The following ITSN2 variants were observed in gnomAD, a reference collection of about 807,000 sequenced individuals.
ITSN2 encodes intersectin 2.
ITSN2 carries 156 observed loss-of-function variants against 243.7 expected under a neutral mutation model. The ratio of observed to expected loss-of-function variants is 0.64; its 90% CI spans 0.56 to 0.73. ITSN2 has a LOEUF of 0.73. Ranked by LOEUF, ITSN2 falls within the 30% of genes least tolerant of loss-of-function variation. ITSN2 has a pLI of 0.00. For synonymous variants in ITSN2, 703 were observed against 699.9 expected (o/e 1.00, Z -0.07); for missense variants, 1,801 against 1,996.1 (o/e 0.90, Z 1.86).
chr2:24,246,672 C>T, intron 28 of ITSN2, 125 bp downstream of exon 28: 1 of 641,478 alleles, frequency 1.6e-6, no homozygotes, highest in Non-Finnish European at 2.7e-6. Flanking sequence ...GTGGCATGTC[C>T]CTTTTAAGCA....
intron 17 of ITSN2, among the ~76,000 whole-genome samples, chr2:24,279,283 T>C (rs1034066284): frequency 2.6e-5 from 4 of 152,174 alleles, no homozygotes; most frequent in African/African-American, 7.2e-5. Flanking sequence ...ACCTAACTCC[T>C]TGAAGGAAAC....
chr2:24,286,492 A>G (rs1679528194), intron 15 of ITSN2, 141 bp from the exon 16 acceptor site: 2 of 597,822 alleles, frequency 3.3e-6, no homozygotes, highest in Non-Finnish European at 5.8e-6. Flanking sequence ...ACAAGAGAAA[A>G]CATTCAGTTG....
At chr2:24,234,322 G>C (rs1195688844) in intron 29 of ITSN2, among the ~76,000 whole-genome samples, 1 of 149,390 alleles carries the variant, frequency 6.7e-6, no homozygotes, top group African/African-American at 2.4e-5. Flanking sequence ...TATAGACACA[G>C]GTCTCTACTG....
chr2:24,303,276 C>T (rs895720745), intron 9 of ITSN2, among the ~76,000 whole-genome samples: 5 of 152,106 alleles, frequency 3.3e-5, no homozygotes, highest in East Asian at 1.9e-4. Flanking sequence ...GTTATTGCCC[C>T]GAACACCTTC....
chr2:24,323,052 A>G (rs1196319996), intron 2 of ITSN2, among the ~76,000 whole-genome samples: 1 of 152,156 alleles, frequency 6.6e-6, no homozygotes, highest in Admixed American at 6.5e-5. Context: ...AATTAAAAAA[A>G]AAAACAACAC....
In ITSN2 at chr2:24,203,413, A is replaced by G. The variant is rs914280279; in HGVS notation, c.*213T>C. The G allele has an allele frequency of 2.1e-6, 1 of 471,632 alleles. No individual in the cohort carries two copies. Among genetic ancestry groups the G allele is most frequent in the Non-Finnish European group, 3.8e-6 (1 of 265,766 alleles). 29.2% of individuals were successfully genotyped at this position (471,632 alleles called of 1,614,324 possible). A position where few individuals can be genotyped will look rare whatever the true frequency, so the allele number is the denominator to read the frequency against. ...GAGCTGAACATGTGAACACTAGGACAAGGCACTGTACTATGGGGTTTGGTT... is the reference window on the plus strand; with the variant it reads ...GAGCTGAACATGTGAACACTAGGACGAGGCACTGTACTATGGGGTTTGGTT... On this transcript the variant is annotated 3_prime_UTR_variant, in exon 40 of 40. Transcript: ENST00000355123.
chr2:24,295,776 C>G lies in ITSN2; in HGVS notation c.1523G>C (p.Arg508Thr). Residue 508 changes from arginine (R) to threonine (T), a missense_variant, in exon 14 of 40, where the codon AGA (arginine) becomes ACA (threonine). Physicochemically the swap from Arg to Thr is moderately conservative, Grantham distance 71 (BLOSUM62 -1). Around this residue, in one of 5 missense-constraint regions of ITSN2, gnomAD observed 787 missense variants for 803.9 expected, o/e 0.98. Transcript: ENST00000355123. Reference protein sequence around the residue: ...LNGKHQQISGRLQDVRLKKQT... With the variant: ...LNGKHQQISGTLQDVRLKKQT... ...CTTTTTGAGTCGGACATCCTGAAGT[C>G]TGCCTGAGATCTGCTGATGTTTGCC... 6.4e-7 allele frequency: 1 copy of G among 1,559,082 alleles called. No homozygotes were observed. Among genetic ancestry groups the G allele is most frequent in the Non-Finnish European group, 8.6e-7 (1 of 1,158,876 alleles).
chr2:24,237,865 CA>C (rs2151237917), intron 29 of ITSN2, among the ~76,000 whole-genome samples: 1 of 152,284 alleles, frequency 6.6e-6, no homozygotes, highest in South Asian at 2.1e-4. Flanking sequence ...ATAGATTTTT[CA>C]AGTTTCCCAA....
intron 29 of ITSN2, chr2:24,242,172 G>A (rs966223050): frequency 3.9e-5 from 6 of 152,456 alleles, no homozygotes; most frequent in African/African-American, 1.5e-4. Context: ...GTGGGTCTCT[G>A]GGGTGCTTTC....
At chr2:24,288,679 C>T (rs1213055299) in intron 15 of ITSN2, among the ~76,000 whole-genome samples, 2 of 152,120 alleles carry the variant, frequency 1.3e-5, no homozygotes, top group Non-Finnish European at 2.9e-5. Context: ...GGTGAAAACA[C>T]TTAAAATCTA....
At chr2:24,277,966 T>C (rs980531298) in intron 17 of ITSN2, among the ~76,000 whole-genome samples, 2 of 152,254 alleles carry the variant, frequency 1.3e-5, no homozygotes, top group African/African-American at 4.8e-5. Context: ...GGGAAGCCTG[T>C]TATGATACGT....
chr2:24,291,489 CTTTTTT>C (rs143144650), intron 15 of ITSN2, among the ~76,000 whole-genome samples: 7 of 97,716 alleles, frequency 7.2e-5, no homozygotes, highest in African/African-American at 1.6e-4. Flanking sequence ...CTTCTTCTTC[CTTTTTT>C]TTTTTTTTTT....
intron 1 of ITSN2, among the ~76,000 whole-genome samples, chr2:24,330,155 G>C (rs1004590325): frequency 6.6e-6 from 1 of 152,162 alleles, no homozygotes; most frequent in Non-Finnish European, 1.5e-5. Context: ...TCTAACAACA[G>C]AAAAACCAAC....
chr2:24,336,517 T>C (rs1686396231), intron 1 of ITSN2, among the ~76,000 whole-genome samples: 1 of 152,210 alleles, frequency 6.6e-6, no homozygotes, highest in Admixed American at 6.5e-5. Flanking sequence ...TCCATTTCCA[T>C]ATGTCCTAAG....
At position 24,298,763 on chromosome 2, in the gene ITSN2, G is replaced by C. The variant is rs780927701; in HGVS notation, c.1396C>G (p.Arg466Gly). The C allele has an allele frequency of 6.2e-7, 1 of 1,611,098 alleles. No individual in the cohort carries two copies. Among genetic ancestry groups the C allele is most frequent in the South Asian group, 1.1e-5 (1 of 90,744 alleles). ...RQRRLEWERI[R>G]RQELLNQKNR... ...TTTTGATTGAGAAGCTCCTGTCGCCGAATTCTCTCCCATTCTAAGCGACGT... is the reference window on the plus strand; with the variant it reads ...TTTTGATTGAGAAGCTCCTGTCGCCCAATTCTCTCCCATTCTAAGCGACGT... Residue 466 changes from arginine (R) to glycine (G), a missense_variant, in exon 13 of 40, where the codon CGG becomes GGG. Arg to Gly is a moderately radical substitution (Grantham distance 125, BLOSUM62 -2). This residue lies in a region of ITSN2 where 787 missense variants were observed against 803.9 expected (regional missense o/e 0.98). Transcript: ENST00000355123.
At chr2:24,221,234 G>T in intron 29 of ITSN2, 168 bp from the exon 30 acceptor site, 1 of 629,206 alleles carries the variant, frequency 1.6e-6, no homozygotes, top group Non-Finnish European at 2.6e-6. Flanking sequence ...GCGGAGAGTT[G>T]GCATTAATGA....
intron 3 of ITSN2, among the ~76,000 whole-genome samples, chr2:24,314,922 A>G (rs1683723839): frequency 6.6e-6 from 1 of 152,276 alleles, no homozygotes. Flanking sequence ...TTTAGGATTC[A>G]GGAAAAATCT....
At chr2:24,357,472 T>C (rs1688551063) in intron 1 of ITSN2, among the ~76,000 whole-genome samples, 1 of 151,916 alleles carries the variant, frequency 6.6e-6, no homozygotes, top group African/African-American at 2.4e-5. Context: ...CAGGACCTGT[T>C]GTGGGGGGGC....
At chr2:24,230,838 A>G (rs1158138910) in intron 29 of ITSN2, among the ~76,000 whole-genome samples, 2 of 152,186 alleles carry the variant, frequency 1.3e-5, no homozygotes, top group African/African-American at 4.8e-5. Flanking sequence ...AACAAAAGCC[A>G]AAGTTTATAA....
Sources: allele counts gnomAD v4.1 joint callset (sites outside exome capture counted in the v4.1 genomes callset), GRCh38; gene constraint gnomAD v4.1.1; regional missense constraint gnomAD v4.1.1; transcripts MANE v1.5; gene names NCBI Gene and HGNC (gene_info 2026-07-23, HGNC 2026-07-21).